The following TCF25 variants were observed in gnomAD, a reference collection of about 807,000 sequenced individuals.
The protein encoded by TCF25 is TCF25 ribosome quality control complex subunit, also known as ribosome quality control complex subunit TCF25.
In TCF25, 41 loss-of-function variants were observed where a neutral mutation model predicts 83.1. That is an observed-to-expected ratio of 0.49 (90% CI 0.38 to 0.64). TCF25 has a LOEUF of 0.64. TCF25 is among the 30% of genes least tolerant of loss of function. The pLI, the probability that TCF25 is intolerant of heterozygous loss-of-function variation, is 0.00. For synonymous variants in TCF25, 458 were observed against 365.0 expected, an observed-to-expected ratio of 1.25 and a Z score of -2.90; for missense variants, 979 against 914.5, an observed-to-expected ratio of 1.07 and a Z score of -0.91.
chr16:89,877,197 G>GGT (rs1238319775), intron 1 of TCF25, among the ~76,000 whole-genome samples: 19 of 151,980 alleles, frequency 1.3e-4, no homozygotes, highest in African/African-American at 4.1e-4. Context: ...GCTGTGTGTG[G>GGT]GTGTGTGTGT....
At chr16:89,907,930 C>T in intron 16 of TCF25, among the ~76,000 whole-genome samples, 1 of 140,170 alleles carries the variant, frequency 7.1e-6, no homozygotes, top group Non-Finnish European at 1.5e-5. Flanking sequence ...CTCCCTCCTC[C>T]CAGTTCCCAG....
At chr16:89,902,816 A>G (rs894959751) in intron 12 of TCF25, among the ~76,000 whole-genome samples, 1 of 152,114 alleles carries the variant, frequency 6.6e-6, no homozygotes, top group Non-Finnish European at 1.5e-5. Context: ...GCGTGCAGCT[A>G]GTATACACAC....
In TCF25 at chr16:89,900,650, T is replaced by A; in HGVS notation, c.1237T>A (p.Ser413Thr). The A allele has an allele frequency of 6.3e-7, 1 of 1,595,712 alleles. No homozygotes were observed. The highest frequency in any genetic ancestry group is 8.6e-7 in the Non-Finnish European group (1 of 1,164,494). Residue 413 changes from serine (S) to threonine (T), a missense_variant, in exon 12 of 18, where the codon TCC becomes ACC. By Grantham distance (58) the Ser-to-Thr change is moderately conservative. Coordinates refer to ENST00000263346, the MANE Select transcript of TCF25 (RefSeq NM_014972.3). ...TCCCTCGTAGGCTCATCGGAACCTG[T>A]CCCAGCTCCCTAATTTTGCCTTCTC... ...FQEWEAHRNL[S>T]QLPNFAFSVP...
Position 89,898,567 on chromosome 16 carries a change from C to G in TCF25, c.1033C>G (p.Leu345Val). Residue 345 changes from leucine (L) to valine (V), a missense_variant, in exon 10 of 18, where the codon CTG becomes GTG. Physicochemically the swap from Leu to Val is conservative, Grantham distance 32. Coordinates refer to ENST00000263346, the MANE Select transcript of TCF25 (RefSeq NM_014972.3). The part of the protein sequence containing the change: ...YRRPENRSFY[L>V]ALYKQMSFLE... ...CTATTTTGGATCTAGGAGCTTCTAC[C>G]TGGCCCTCTACAAGCAGATGAGCTT... 6.2e-7 allele frequency: 1 copy of G among 1,613,042 alleles called. No individual in the cohort carries two copies. Among genetic ancestry groups the G allele is most frequent in the East Asian group, 2.2e-5 (1 of 44,886 alleles).
intron 6 of TCF25, 61 bp downstream of exon 6, chr16:89,892,336 C>A: frequency 6.4e-7 from 1 of 1,550,486 alleles, no homozygotes; most frequent in Non-Finnish European, 8.7e-7. Flanking sequence ...GTGCACTGGC[C>A]CCGGTACAGC....
chr16:89,881,075 C>T (rs1187912128), intron 1 of TCF25, among the ~76,000 whole-genome samples: 8 of 152,174 alleles, frequency 5.3e-5, no homozygotes, highest in Admixed American at 1.3e-4. Flanking sequence ...TCTCAACGGG[C>T]GTAAGTTGCT....
intron 1 of TCF25, among the ~76,000 whole-genome samples, chr16:89,877,174 C>A (rs1337416964): frequency 6.6e-6 from 1 of 151,830 alleles, no homozygotes; most frequent in Non-Finnish European, 1.5e-5. Context: ...TACTTTCAAC[C>A]CTGTCAGTTT....
rs151034939 is a variant in TCF25, at chr16:89,904,858, C to G, written c.1470-80C>G. On this transcript the variant is annotated intron_variant, in intron 13 of 17. Transcript: ENST00000263346. ...GGCACTCCCTGGACCCCCCGTCTGC[C>G]CATCCATGGGGCTCTGCCAGCCTCG... The G allele has an allele frequency of 1.5e-3, 2,270 of 1,522,500 alleles. 3 individuals are homozygous for G. The highest frequency in any genetic ancestry group is 3.7e-3 in the Middle Eastern group (22 of 5,956). The allele number at this position is 1,522,500 out of a possible 1,614,324, so 94.3% of individuals were successfully genotyped here.
chr16:89,894,114 C>T (rs1053651017), intron 7 of TCF25, among the ~76,000 whole-genome samples: 2 of 152,204 alleles, frequency 1.3e-5, no homozygotes, highest in Admixed American at 6.5e-5. Flanking sequence ...TGGGGACCGT[C>T]GCAGTAGTGC....
chr16:89,881,246 A>G (rs1384801398), intron 1 of TCF25, among the ~76,000 whole-genome samples: 1 of 152,192 alleles, frequency 6.6e-6, no homozygotes, highest in Non-Finnish European at 1.5e-5. Context: ...TCCCAGGTGC[A>G]GCCGAGTCTC....
intron 16 of TCF25, chr16:89,909,300 A>C: frequency 2.0e-6 from 1 of 494,110 alleles, no homozygotes; most frequent in Non-Finnish European, 3.3e-6. Flanking sequence ...TCACAAGGTC[A>C]AGAGATTGAG....
chr16:89,896,119 C>A (rs767268691), intron 9 of TCF25, 36 bp downstream of exon 9: 26 of 1,590,986 alleles, frequency 1.6e-5, no homozygotes, highest in Non-Finnish European at 2.1e-5. Flanking sequence ...CGCAGCTCCC[C>A]TTCCCTTCTC....
chr16:89,900,473 T>C (rs2044232369), intron 11 of TCF25, among the ~76,000 whole-genome samples, 162 bp from the exon 12 acceptor site: 1 of 152,094 alleles, frequency 6.6e-6, no homozygotes. Flanking sequence ...CAGGTGGACG[T>C]TTTAAGTTAT....
At chr16:89,874,276 C>T (rs986285974) in intron 1 of TCF25, among the ~76,000 whole-genome samples, 2 of 147,614 alleles carry the variant, frequency 1.4e-5, no homozygotes, top group Non-Finnish European at 3.0e-5. Context: ...GGCCACGTGG[C>T]TGTCGTGGGG....
chr16:89,875,394 T>G (rs1355707276), intron 1 of TCF25, among the ~76,000 whole-genome samples: 1 of 152,102 alleles, frequency 6.6e-6, no homozygotes, highest in Non-Finnish European at 1.5e-5. Flanking sequence ...ATTTTCTCGG[T>G]TTGTGTTTGT....
Position 89,887,641 on chromosome 16 carries a change from C to T in TCF25, c.549-11C>T. 6.4e-7 allele frequency: 1 copy of T among 1,573,218 alleles called. No homozygotes were observed. Among genetic ancestry groups the T allele is most frequent in the Non-Finnish European group, 8.6e-7 (1 of 1,166,650 alleles). ...TTTCATGTTTTTTTTCTACAATTTTCAATTCCCCAGACACTTGAATCCAGA... is the reference window on the plus strand; with the variant it reads ...TTTCATGTTTTTTTTCTACAATTTTTAATTCCCCAGACACTTGAATCCAGA... On this transcript the variant is annotated splice_polypyrimidine_tract_variant and intron_variant, in intron 4 of 17. Transcript: ENST00000263346.
Position 89,879,850 on chromosome 16 carries a change from G to A in TCF25, c.193-3501G>A, listed in dbSNP as rs1176426645. 2.2e-5 allele frequency among the ~76,000 whole-genome samples: 3 copies of A among 137,256 alleles called. No individual in the cohort carries two copies. The East Asian group carries it at 6.6e-4, about 30-fold the overall frequency. 90.0% of individuals were successfully genotyped at this position (137,256 alleles called of 152,430 possible). A position where few individuals can be genotyped will look rare whatever the true frequency, so the allele number is the denominator to read the frequency against. Reference sequence around the variant, plus strand: ...TTGTCCGTGTGCACAGATGGGCTTCGGGGCCTGTCACACGTGTTGTCCGTG... The same window carrying A: ...TTGTCCGTGTGCACAGATGGGCTTCAGGGCCTGTCACACGTGTTGTCCGTG... On this transcript the variant is annotated intron_variant, in intron 1 of 17. Coordinates refer to ENST00000263346, the MANE Select transcript of TCF25 (RefSeq NM_014972.3).
At chr16:89,887,548 A>G (rs926814380) in intron 4 of TCF25, 104 bp from the exon 5 acceptor site, 8 of 1,178,188 alleles carry the variant, frequency 6.8e-6, no homozygotes, top group Admixed American at 3.4e-5. Flanking sequence ...TTTCAAACCA[A>G]AAATCCGTGT....
At chr16:89,875,509 G>A (rs1451458838) in intron 1 of TCF25, among the ~76,000 whole-genome samples, 2 of 139,220 alleles carry the variant, frequency 1.4e-5, no homozygotes, top group African/African-American at 5.5e-5. Flanking sequence ...ATTCCCTGAC[G>A]TGAGTTTTTT....
Sources: gnomAD v4.1 joint callset for allele counts (sites outside exome capture counted in the v4.1 genomes callset) on GRCh38, gnomAD v4.1.1 for gene constraint, MANE v1.5 for transcripts, NCBI Gene and HGNC (gene_info 2026-07-23, HGNC 2026-07-21) for gene names.